The following FGGY variants were observed in gnomAD, a reference collection of about 807,000 sequenced individuals.
FGGY encodes FGGY carbohydrate kinase domain-containing protein.
A neutral mutation model predicts 71.3 loss-of-function variants in FGGY; 72 were observed. The observed-to-expected ratio is 1.01, with a 90% confidence interval of 0.84 to 1.23. The LOEUF is 1.23. FGGY is among the 50% of genes most tolerant of loss of function. FGGY has a pLI of 0.00. For synonymous variants in FGGY, 251 were observed against 250.3 expected (o/e 1.00, Z -0.02); for missense variants, 668 against 682.3 (o/e 0.98, Z 0.23).
intron 6 of FGGY, among the ~76,000 whole-genome samples, chr1:59,512,057 A>T (rs2094531084): frequency 6.6e-6 from 1 of 152,176 alleles, no homozygotes; most frequent in East Asian, 1.9e-4. Context: ...TCCCATTTTC[A>T]GAATCTTTAT....
At chr1:59,665,246 C>G (rs1325506771) in intron 12 of FGGY, among the ~76,000 whole-genome samples, 2 of 152,102 alleles carry the variant, frequency 1.3e-5, no homozygotes, top group African/African-American at 4.8e-5. Flanking sequence ...AAAAGCTTAA[C>G]AAAGAACATC....
chr1:59,373,359 G>C (rs1054966948), intron 4 of FGGY, among the ~76,000 whole-genome samples: 1 of 152,144 alleles, frequency 6.6e-6, no homozygotes, highest in African/African-American at 2.4e-5. Context: ...GGGACATGAA[G>C]GACCTCTTCA....
chr1:59,683,708 A>G (rs1015625605), intron 14 of FGGY, among the ~76,000 whole-genome samples: 4 of 152,244 alleles, frequency 2.6e-5, no homozygotes, highest in Non-Finnish European at 5.9e-5. Context: ...GGGCAAAACA[A>G]GAGAAGGAAA....
intron 5 of FGGY, among the ~76,000 whole-genome samples, chr1:59,421,918 T>A (rs568176109): frequency 6.6e-6 from 1 of 152,256 alleles, no homozygotes; most frequent in South Asian, 2.1e-4. Flanking sequence ...TTTTTATTAT[T>A]AGTCTGGAGT....
intron 7 of FGGY, among the ~76,000 whole-genome samples, chr1:59,540,030 AG>A (rs1205070208): frequency 6.6e-6 from 1 of 152,248 alleles, no homozygotes; most frequent in African/African-American, 2.4e-5. Context: ...CAGCCTTGTT[AG>A]TCATTAGGAA....
At chr1:59,532,081 C>T (rs1350748998) in intron 7 of FGGY, among the ~76,000 whole-genome samples, 1 of 152,114 alleles carries the variant, frequency 6.6e-6, no homozygotes, top group Non-Finnish European at 1.5e-5. Flanking sequence ...TGGTATTTGA[C>T]ATGAACTCTA....
intron 5 of FGGY, among the ~76,000 whole-genome samples, chr1:59,423,775 C>T (rs1488106832): frequency 6.6e-6 from 1 of 152,164 alleles, no homozygotes; most frequent in Admixed American, 6.5e-5. Context: ...CCTTGGAAAC[C>T]AGGTACTTTC....
At chr1:59,500,135 C>T (rs956355092) in intron 6 of FGGY, among the ~76,000 whole-genome samples, 13 of 152,098 alleles carry the variant, frequency 8.5e-5, no homozygotes, top group East Asian at 3.8e-4. Context: ...TTGATAACCA[C>T]GTGAATTCTT....
chr1:59,457,175 T>C, intron 6 of FGGY, 99 bp downstream of exon 6: 1 of 843,302 alleles, frequency 1.2e-6, no homozygotes, highest in Non-Finnish European at 1.9e-6. Flanking sequence ...TTTGTATGCA[T>C]GAAAATACAG....
chr1:59,492,789 C>T (rs1022704955), intron 6 of FGGY, among the ~76,000 whole-genome samples: 1 of 151,992 alleles, frequency 6.6e-6, no homozygotes, highest in Non-Finnish European at 1.5e-5. Context: ...GGCTTTCAGC[C>T]AGTTTTACTA....
chr1:59,476,803 A>G (rs1418716353), intron 6 of FGGY, among the ~76,000 whole-genome samples: 1 of 152,160 alleles, frequency 6.6e-6, no homozygotes, highest in Non-Finnish European at 1.5e-5. Flanking sequence ...ACTCAAGATG[A>G]CAGAAGAAAA....
chr1:59,577,852 A>G (rs1212264651), intron 8 of FGGY, among the ~76,000 whole-genome samples: 2 of 152,006 alleles, frequency 1.3e-5, no homozygotes, highest in Non-Finnish European at 2.9e-5. Flanking sequence ...TTGCCTGGAG[A>G]GTAAAAATTT....
intron 5 of FGGY, among the ~76,000 whole-genome samples, chr1:59,449,469 GAGATGGGGTTTC>G (rs1455235060): frequency 1.3e-5 from 2 of 152,072 alleles, no homozygotes; most frequent in African/African-American, 4.8e-5. Flanking sequence ...ATTTTTAGTA[GAGATGGGGTTTC>G]ACCATGTTGG....
At position 59,353,254 on chromosome 1, in the gene FGGY, A is replaced by T. The variant is rs117759140; in HGVS notation, c.465+6856A>T. 1.1e-3 allele frequency among the ~76,000 whole-genome samples: 167 copies of T among 152,310 alleles called. No individual in the cohort carries two copies. The East Asian group carries it at 0.011, about 10-fold the overall frequency. ...AAAGTGGCTTATATAGTAGATACTC[A>T]AATGGTACTTTATTTTCATTATCAT... is the stretch of plus-strand genomic sequence containing the variant. On this transcript the variant is annotated intron_variant, in intron 4 of 15. Transcript: ENST00000303721.
At position 59,581,822 on chromosome 1, in the gene FGGY, A is replaced by C. The variant is rs560174365; in HGVS notation, c.904-25981A>C. 1.1e-4 allele frequency among the ~76,000 whole-genome samples: 17 copies of C among 150,120 alleles called. 1 individual carries two copies. Among genetic ancestry groups the C allele is most frequent in the Non-Finnish European group, 2.1e-4 (14 of 67,938 alleles). ...AAGTAGCAGACCTGTCTTTGAATGT[A>C]ACCCATGTAAAGCAAAATTTTCTGT... On this transcript the variant is annotated intron_variant, in intron 8 of 15. Coordinates refer to ENST00000303721, the MANE Select transcript of FGGY (RefSeq NM_018291.5).
chr1:59,308,798 C>G (rs1442069428), intron 1 of FGGY, among the ~76,000 whole-genome samples: 12 of 152,132 alleles, frequency 7.9e-5, no homozygotes, highest in Non-Finnish European at 1.8e-4. Context: ...AGAGCTTTTG[C>G]TCTATTCTTT....
At chr1:59,722,988 G>A (rs182303225) in intron 14 of FGGY, among the ~76,000 whole-genome samples, 116 of 152,158 alleles carry the variant, frequency 7.6e-4, no homozygotes, top group African/African-American at 2.6e-3. Context: ...TAGTAGAGAC[G>A]GGGTTTCACC....
chr1:59,452,901 T>TA (rs1375492761), intron 5 of FGGY, among the ~76,000 whole-genome samples: 1 of 152,174 alleles, frequency 6.6e-6, no homozygotes, highest in Non-Finnish European at 1.5e-5. Flanking sequence ...TGGGGGTGAC[T>TA]AGTAGGTACA....
rs189503632 is a variant in FGGY, at chr1:59,375,648, T to C, written c.466-3101T>C. ...GTGTTATCTCCTTAGAGAGGAGAGG[T>C]TGGACTGGGATCTCCAGCTTTGATT... On this transcript the variant is annotated intron_variant, in intron 4 of 15. Coordinates refer to ENST00000303721, the MANE Select transcript of FGGY (RefSeq NM_018291.5). Among the ~76,000 whole-genome samples, 205 of 152,258 alleles carry C rather than the reference T, an allele frequency of 1.3e-3. 2 individuals carry two copies. Among genetic ancestry groups the C allele is most frequent in the South Asian group, 3.3e-3 (16 of 4,826 alleles).
Sources: gnomAD v4.1 joint callset for allele counts (sites outside exome capture counted in the v4.1 genomes callset) on GRCh38, gnomAD v4.1.1 for gene constraint, MANE v1.5 for transcripts, NCBI Gene and HGNC (gene_info 2026-07-23, HGNC 2026-07-21) for gene names.